Variants in ACAP2 observed in about 807,000 individuals in gnomAD.
The protein encoded by ACAP2 is ArfGAP with coiled-coil, ankyrin repeat and PH domains 2, also known as arf-GAP with coiled-coil, ANK repeat and PH domain-containing protein 2.
A neutral mutation model predicts 115.8 loss-of-function variants in ACAP2; 39 were observed. That is an observed-to-expected ratio of 0.34 (90% CI 0.26 to 0.44). The LOEUF (loss-of-function observed/expected upper bound fraction) is 0.44. ACAP2 is among the 20% of genes least tolerant of loss of function. The probability of loss-of-function intolerance (pLI) is 1.00; values close to 1 mark genes in which losing one functional copy is unlikely to be tolerated. For synonymous variants in ACAP2, 289 were observed against 315.8 expected, an observed-to-expected ratio of 0.92 and a Z score of 0.90; for missense variants, 662 against 927.6, an observed-to-expected ratio of 0.71 and a Z score of 3.72.
chr3:195,347,810 T>C (rs1294813505), intron 4 of ACAP2, among the ~76,000 whole-genome samples: 1 of 152,074 alleles, frequency 6.6e-6, no homozygotes, highest in Admixed American at 6.6e-5. Context: ...GAGTTCAAGA[T>C]TAGCCTGGGC....
In ACAP2 at chr3:195,295,736, G is replaced by T. The variant is rs748235819; in HGVS notation, c.1644C>A (p.Asp548Glu). ...RLSISKFGPG[D>E]QVRASAQSSV... ...AACTTTGGGCAGATGCTCTGACTTG[G>T]TCCCCTGGCCCAAATTTAGAAATGC... Residue 548 changes from aspartate (D) to glutamate (E), a missense_variant, in exon 17 of 23, where the codon GAC becomes GAA. Physicochemically the swap from Asp to Glu is conservative, Grantham distance 45. Transcript: ENST00000326793. 1 of 1,614,020 alleles carries T rather than the reference G, an allele frequency of 6.2e-7. No individual in the cohort carries two copies. The highest frequency in any genetic ancestry group is 8.5e-7 in the Non-Finnish European group (1 of 1,179,998).
chr3:195,369,098 A>C (rs1251057664), intron 4 of ACAP2, among the ~76,000 whole-genome samples: 3 of 151,180 alleles, frequency 2.0e-5, no homozygotes, highest in Non-Finnish European at 4.4e-5. Flanking sequence ...AACAAACAAA[A>C]AAAAAAAAAA....
At position 195,348,585 on chromosome 3, in the gene ACAP2, T is replaced by C. The variant is rs528565792; in HGVS notation, c.286-3268A>G. Among the ~76,000 whole-genome samples the C allele has an allele frequency of 3.1e-4, 47 of 152,218 alleles. No homozygotes were observed. In the South Asian group the frequency reaches 3.7e-3, roughly 12 times the overall value. ...ATACAGATGCCAAAATTCTTAGCAA[T>C]ATATAGTAATGACATAAGAATACAT... On this transcript the variant is annotated intron_variant, in intron 4 of 22. Coordinates refer to ENST00000326793, the MANE Select transcript of ACAP2 (RefSeq NM_012287.6).
chr3:195,323,809 C>CA (rs112375217), intron 9 of ACAP2, among the ~76,000 whole-genome samples: 36,137 of 144,322 alleles, frequency 0.25, 5,015 homozygotes, highest in East Asian at 0.71. Context: ...TTAATGGATA[C>CA]AAAAAAAAAA....
At chr3:195,306,448 G>T in intron 13 of ACAP2, 63 bp downstream of exon 13, 1 of 989,950 alleles carries the variant, frequency 1.0e-6, no homozygotes, top group Non-Finnish European at 1.5e-6. Flanking sequence ...GTCATATAAC[G>T]TTGCAACTAA....
At chr3:195,326,771 A>G (rs1729823520) in intron 9 of ACAP2, 114 bp downstream of exon 9, 3 of 850,030 alleles carry the variant, frequency 3.5e-6, no homozygotes, top group African/African-American at 3.4e-5. Context: ...ATTTATCTGC[A>G]CAATTATTAG....
chr3:195,347,266 A>G (rs1731244999), intron 4 of ACAP2, among the ~76,000 whole-genome samples: 2 of 152,180 alleles, frequency 1.3e-5, no homozygotes, highest in South Asian at 4.1e-4. Flanking sequence ...AGAACATCCA[A>G]TCTTCTCAGG....
chr3:195,300,110 G>A (rs959252888), intron 15 of ACAP2, among the ~76,000 whole-genome samples: 4 of 148,062 alleles, frequency 2.7e-5, no homozygotes, highest in African/African-American at 7.6e-5. Flanking sequence ...GCAGTGGTGC[G>A]ATCTCGGCTC....
chr3:195,332,266 A>G (rs1032288861), intron 8 of ACAP2, among the ~76,000 whole-genome samples: 3 of 152,184 alleles, frequency 2.0e-5, no homozygotes, highest in Non-Finnish European at 4.4e-5. Context: ...ACAAGATACA[A>G]GTTTTCAGGA....
At chr3:195,302,718 G>T (rs1728144793) in intron 13 of ACAP2, among the ~76,000 whole-genome samples, 1 of 152,004 alleles carries the variant, frequency 6.6e-6, no homozygotes, top group Admixed American at 6.6e-5. Flanking sequence ...ATCAAATATA[G>T]AACATACAAT....
intron 1 of ACAP2, among the ~76,000 whole-genome samples, chr3:195,392,679 G>A (rs955827987): frequency 6.6e-6 from 1 of 152,034 alleles, no homozygotes; most frequent in Non-Finnish European, 1.5e-5. Context: ...AATTAGCAAA[G>A]GTTAGATTAT....
chr3:195,310,796 TC>T (rs1728713851), intron 10 of ACAP2, among the ~76,000 whole-genome samples: 2 of 152,204 alleles, frequency 1.3e-5, no homozygotes, highest in African/African-American at 4.8e-5. Context: ...TCGATCTGCT[TC>T]TGAATGACGT....
At position 195,325,414 on chromosome 3, in the gene ACAP2, ATTTTTTTTTTTT is replaced by A. The variant is rs746254101; in HGVS notation, c.744+1459_744+1470del. 1.1e-3 allele frequency: 359 copies of A among 321,578 alleles called. 2 individuals are homozygous for A. The highest frequency in any genetic ancestry group is 0.011 in the Middle Eastern group (11 of 1,030). 19.9% of individuals were successfully genotyped at this position (321,578 alleles called of 1,614,324 possible). On this transcript the variant is annotated intron_variant, in intron 9 of 22. Coordinates refer to ENST00000326793, the MANE Select transcript of ACAP2 (RefSeq NM_012287.6). ...CTTTCCCTTAGTTTTTAGTGGACTGATTTTTTTTTTTTTTTTTTTTTTTTTTTACCTGTAACG... is the reference window on the plus strand; with the variant it reads ...CTTTCCCTTAGTTTTTAGTGGACTGATTTTTTTTTTTTTTTACCTGTAACG...
At chr3:195,424,298 T>A (rs1361051072) in intron 1 of ACAP2, among the ~76,000 whole-genome samples, 16,489 of 91,492 alleles carry the variant, frequency 0.18, 1,915 homozygotes, top group East Asian at 0.66. Context: ...TTTTTTTTTT[T>A]TTTTTTTTTT....
intron 1 of ACAP2, among the ~76,000 whole-genome samples, chr3:195,435,095 T>C (rs1351417625): frequency 3.3e-5 from 5 of 151,982 alleles, no homozygotes; most frequent in African/African-American, 1.2e-4. Flanking sequence ...CTACCTTTTT[T>C]AGTTTCTTCC....
At chr3:195,400,465 A>C (rs1712190855) in intron 1 of ACAP2, among the ~76,000 whole-genome samples, 1 of 152,038 alleles carries the variant, frequency 6.6e-6, no homozygotes, top group South Asian at 2.1e-4. Flanking sequence ...AATACTAGTA[A>C]TGTTTTAAGT....
intron 4 of ACAP2, among the ~76,000 whole-genome samples, chr3:195,376,407 T>C (rs1269911573): frequency 6.6e-6 from 1 of 151,644 alleles, no homozygotes; most frequent in Non-Finnish European, 1.5e-5. Flanking sequence ...ATATATATAT[T>C]GTGATAAAAC....
At chr3:195,374,235 A>C (rs962807253) in intron 4 of ACAP2, among the ~76,000 whole-genome samples, 5 of 152,234 alleles carry the variant, frequency 3.3e-5, no homozygotes, top group South Asian at 2.1e-4. Flanking sequence ...AAAATAAAAA[A>C]TAAAATTAGC....
At chr3:195,300,849 T>C (rs1311647523) in intron 15 of ACAP2, among the ~76,000 whole-genome samples, 2 of 152,066 alleles carry the variant, frequency 1.3e-5, no homozygotes, top group Admixed American at 6.6e-5. Context: ...AAACCATGTC[T>C]CTACGAAAAA....
Sources: gnomAD v4.1 joint callset for allele counts (sites outside exome capture counted in the v4.1 genomes callset) on GRCh38, gnomAD v4.1.1 for gene constraint, MANE v1.5 for transcripts, NCBI Gene and HGNC (gene_info 2026-07-23, HGNC 2026-07-21) for gene names.